MACF1: variants seen among roughly 807,000 people sequenced by gnomAD.
The protein encoded by MACF1 is microtubule actin crosslinking factor 1, also known as microtubule-actin cross-linking factor 1.
Under a neutral mutation model 854.8 loss-of-function variants are expected in MACF1, and 193 were observed. The ratio of observed to expected loss-of-function variants is 0.23; its 90% CI spans 0.20 to 0.25. MACF1 has a LOEUF of 0.25. Among genes scored for constraint, MACF1 ranks in the 10% least tolerant of loss-of-function variants. The pLI, the probability that MACF1 is intolerant of heterozygous loss-of-function variation, is 1.00. For synonymous variants in MACF1, 3,185 were observed against 3,226.7 expected (o/e 0.99, Z 0.44); for missense variants, 7,722 against 8,929.1 (o/e 0.86, Z 5.45).
At chr1:39,096,573 A>T (rs1033559279) in intron 2 of MACF1, among the ~76,000 whole-genome samples, 1 of 137,964 alleles carries the variant, frequency 7.2e-6, no homozygotes, top group Admixed American at 7.9e-5. Context: ...TTGGTGACAG[A>T]GCAAGACTCT....
rs536289855 is a variant in MACF1, at chr1:39,239,700, T to A, written c.171+8457T>A. On this transcript the variant is annotated intron_variant, in intron 2 of 100. Coordinates refer to ENST00000564288, the MANE Select transcript of MACF1 (RefSeq NM_001394062.1). ...CCTTAGGAGGGAGAAAAATGCTTTT[T>A]CTGGTCAGTTCCTGTTGACTTCACA... 3.9e-5 allele frequency among the ~76,000 whole-genome samples: 6 copies of A among 152,330 alleles called. No homozygotes were observed. In the East Asian group the frequency reaches 1.2e-3, roughly 29 times the overall value.
chr1:39,272,467 G>A (rs1185641160), intron 6 of MACF1, among the ~76,000 whole-genome samples: 1 of 152,230 alleles, frequency 6.6e-6, no homozygotes, highest in East Asian at 1.9e-4. Context: ...ACCAACTCCT[G>A]TCTAAACAGG....
rs1259903513 is a variant in MACF1, at chr1:39,182,111, A to AGTGAGCTGAGAGG, written c.221-49071_221-49070insGTGAGCTGAGAGG. ...GGTTGCAGTGAGCTGAGATGACGCC[A>AGTGAGCTGAGAGG]TTGCACTCCAGCCTGGGCAACAGAG... On this transcript the variant is annotated intron_variant, in intron 2 of 93. Coordinates refer to the MACF1 transcript ENST00000361689. Among the ~76,000 whole-genome samples the AGTGAGCTGAGAGG allele has an allele frequency of 2.0e-5, 3 of 151,372 alleles. No individual in the cohort carries two copies. In the Admixed American group the frequency reaches 2.0e-4, roughly 10 times the overall value.
intron 85 of MACF1, 64 bp from the exon 86 acceptor site, chr1:39,452,092 C>T (rs1644353842): frequency 7.6e-7 from 1 of 1,321,248 alleles, no homozygotes; most frequent in Non-Finnish European, 1.0e-6. Context: ...ATTATTATTT[C>T]CCAGTGGTTT....
Position 39,331,557 on chromosome 1 carries a change from G to A in MACF1, c.4969G>A (p.Ala1657Thr). 6.2e-7 allele frequency: 1 copy of A among 1,614,168 alleles called. No homozygotes were observed. The highest frequency in any genetic ancestry group is 1.1e-5 in the South Asian group (1 of 91,078). The change falls in exon 37 of 101, where the codon GCA becomes ACA. Residue 1657 changes from alanine (A) to threonine (T), a missense_variant. By Grantham distance (58) the Ala-to-Thr change is moderately conservative. Coordinates refer to ENST00000564288, the MANE Select transcript of MACF1 (RefSeq NM_001394062.1). ...ACTGAAAATCTTAGAAGCTCACCTG[G>A]CAACTGGAGGTTTCAGTCTTTCCCC... ...VGLKILEAHL[A>T]TGGFSLSPSE...
chr1:39,282,066 G>T, intron 6 of MACF1, 142 bp from the exon 7 acceptor site: 2 of 626,920 alleles, frequency 3.2e-6, no homozygotes, highest in South Asian at 6.4e-5. Context: ...AGCAAGAGGG[G>T]GAATATATGT....
chr1:39,116,408 G>A (rs534809654), intron 2 of MACF1, among the ~76,000 whole-genome samples: 8 of 149,474 alleles, frequency 5.4e-5, no homozygotes, highest in African/African-American at 9.9e-5. Flanking sequence ...GTGTGTGCAC[G>A]TGTGTGTGTG....
At chr1:39,097,867 G>A (rs780065125) in intron 2 of MACF1, among the ~76,000 whole-genome samples, 5 of 152,144 alleles carry the variant, frequency 3.3e-5, no homozygotes, top group African/African-American at 9.7e-5. Flanking sequence ...GGCCTCTCCC[G>A]GCCTCAGTGA....
intron 2 of MACF1, chr1:39,102,890 A>G: frequency 2.8e-6 from 2 of 702,476 alleles, no homozygotes; most frequent in East Asian, 5.4e-5. Flanking sequence ...CCTCCCCTTC[A>G]TAGACTTCCT....
chr1:39,343,063 A>G (rs1337249442), intron 40 of MACF1, among the ~76,000 whole-genome samples: 1 of 152,098 alleles, frequency 6.6e-6, no homozygotes, highest in Non-Finnish European at 1.5e-5. Flanking sequence ...TCTTCTTCTT[A>G]AGCCCCAGAT....
At position 39,463,467 on chromosome 1, in the gene MACF1, G is replaced by A; in HGVS notation, c.21679-145G>A. 3 of 532,630 alleles carry A rather than the reference G, an allele frequency of 5.6e-6. No homozygotes were observed. In the South Asian group the frequency reaches 5.8e-5, roughly 10 times the overall value. 33.0% of individuals were successfully genotyped at this position (532,630 alleles called of 1,614,324 possible). The stretch of plus-strand genomic sequence containing the variant: ...ATCGCACCATTGCCCTCCAGCCTGG[G>A]CAACAAGAGCGAAACTCCATCTCAA... On this transcript the variant is annotated intron_variant, in intron 93 of 100. Transcript: ENST00000564288.
chr1:39,433,452 T>C (rs1398399162), intron 68 of MACF1, among the ~76,000 whole-genome samples: 1 of 152,236 alleles, frequency 6.6e-6, no homozygotes, highest in African/African-American at 2.4e-5. Context: ...TTTCAAGGTA[T>C]TTATGGTAGA....
intron 13 of MACF1, 40 bp from the exon 14 acceptor site, chr1:39,285,564 A>G (rs769458859): frequency 1.8e-5 from 29 of 1,602,884 alleles, no homozygotes; most frequent in Admixed American, 1.7e-5. Context: ...GAGTGGGGCA[A>G]TGGAAGTTTT....
In MACF1 at chr1:39,357,803, T is replaced by C; in HGVS notation, c.11853T>C (p.Phe3951=). Residue 3951 remains phenylalanine (F), a synonymous_variant, in exon 45 of 101, where the codon TTT becomes TTC. Coordinates refer to ENST00000564288, the MANE Select transcript of MACF1 (RefSeq NM_001394062.1). ...GQKVLDMENS[F]KEGKEPSEIG... is the part of the protein sequence containing the mutation. ...AAGTCTTGGACATGGAAAACAGTTT[T>C]AAGGAAGGCAAAGAACCATCAGAAA... is the stretch of plus-strand genomic sequence containing the variant. 1.2e-6 allele frequency: 2 copies of C among 1,614,140 alleles called. No homozygotes were observed. Among genetic ancestry groups the C allele is most frequent in the Non-Finnish European group, 1.7e-6 (2 of 1,180,026 alleles).
chr1:39,212,234 C>T (rs1644525071), intron 1 of MACF1, among the ~76,000 whole-genome samples: 1 of 152,116 alleles, frequency 6.6e-6, no homozygotes, highest in Non-Finnish European at 1.5e-5. Flanking sequence ...AGGGGAATGG[C>T]TCGGATGACT....
Position 39,357,891 on chromosome 1 carries a change from A to G in MACF1, c.11941A>G (p.Lys3981Glu), listed in dbSNP as rs1490054098. 7 of 1,607,350 alleles carry G rather than the reference A, an allele frequency of 4.4e-6. No homozygotes were observed. The highest frequency in any genetic ancestry group is 5.9e-6 in the Non-Finnish European group (7 of 1,176,810). ...ATERYTALHS[K>E]CTRLGSHLNM... is the part of the protein sequence containing the mutation. ...AGAAAGATACACTGCTCTCCACTCA[A>G]AGGTAAGGGGGCAGTTCCTGGCATC... The change falls in exon 45 of 101, where the codon AAG becomes GAG. Residue 3981 changes from lysine (K) to glutamate (E), a missense_variant and splice_region_variant. Lys to Glu is a moderately conservative substitution (Grantham distance 56, BLOSUM62 1). Transcript: ENST00000564288.
At chr1:39,410,241 G>T (rs1016885766) in intron 58 of MACF1, 1 of 1,515,282 alleles carries the variant, frequency 6.6e-7, no homozygotes, top group Non-Finnish European at 8.9e-7. Context: ...TTGAAAGATT[G>T]ATGGTTCATC....
intron 37 of MACF1, 137 bp downstream of exon 37, chr1:39,336,790 A>G: frequency 1.2e-6 from 1 of 845,146 alleles, no homozygotes; most frequent in South Asian, 2.3e-5. Flanking sequence ...ATTCTCTAAG[A>G]TATAACTTAG....
intron 67 of MACF1, among the ~76,000 whole-genome samples, 178 bp from the exon 68 acceptor site, chr1:39,432,870 T>G (rs1012207454): frequency 1.3e-5 from 2 of 152,212 alleles, no homozygotes; most frequent in African/African-American, 4.8e-5. Context: ...AGCAATTTCC[T>G]TGATAGAAAT....
Sources: allele counts gnomAD v4.1 joint callset (sites outside exome capture counted in the v4.1 genomes callset), GRCh38; gene constraint gnomAD v4.1.1; transcripts MANE v1.5; gene names NCBI Gene and HGNC (gene_info 2026-07-23, HGNC 2026-07-21).